The following RGL2 variants were observed in gnomAD, a reference collection of about 807,000 sequenced individuals.
The protein encoded by RGL2 is ral guanine nucleotide dissociation stimulator-like 2.
In RGL2, 40 loss-of-function variants were observed where a neutral mutation model predicts 84.6. The observed-to-expected ratio is 0.47, with a 90% CI of 0.37 to 0.62. The LOEUF is 0.62. RGL2 is among the 20% of genes least tolerant of loss of function. The pLI, the probability that RGL2 is intolerant of heterozygous loss-of-function variation, is 0.00. For synonymous variants in RGL2, 369 were observed against 417.3 expected (o/e 0.88, Z 1.41); for missense variants, 865 against 1,019.7 (o/e 0.85, Z 2.07).
At position 33,293,046 on chromosome 6, in the gene RGL2, C is replaced by A; in HGVS notation, c.1977G>T (p.Gly659=). 1.2e-6 allele frequency: 2 copies of A among 1,614,180 alleles called. No homozygotes were observed. Among genetic ancestry groups the A allele is most frequent in the Non-Finnish European group, 8.5e-7 (1 of 1,180,048 alleles). The change falls in exon 16 of 18, where the codon GGG becomes GGT. Residue 659 remains glycine, a synonymous_variant. Transcript: ENST00000497454. The surrounding 1 kb of genome is among the most constrained non-coding windows in gnomAD (Gnocchi z 7.0). ...TGCTCTTATAGACACTGCCATCTTC[C>A]CCCAACTCCATCTGGACTCGGATGA... ...CRIIRVQMEL[G]EDGSVYKSIL...
chr6:33,297,741 C>G lies in RGL2; in HGVS notation c.157-626G>C, dbSNP rs1294551242. On this transcript the variant is annotated intron_variant, in intron 2 of 17. Coordinates refer to ENST00000497454, the MANE Select transcript of RGL2 (RefSeq NM_004761.5). The surrounding 1 kb of genome is among the most constrained non-coding windows in gnomAD (Gnocchi z 4.0). ...GTAGACTCAGAGAGTCACGTGGCCC[C>G]AGCCCCTCCCCCGACCGATCCCGAA... 6.6e-6 allele frequency: 1 copy of G among 152,466 alleles called. No homozygotes were observed. The highest frequency in any genetic ancestry group is 1.5e-5 in the Non-Finnish European group (1 of 68,272). The allele number at this position is 152,466 out of a possible 1,614,324, so 9.4% of individuals were successfully genotyped here.
chr6:33,292,350 AGTT>A (rs1767484435), intron 17 of RGL2, 37 bp from the exon 18 acceptor site: 1 of 1,610,140 alleles, frequency 6.2e-7, no homozygotes, highest in South Asian at 1.1e-5. Flanking sequence ...GCACACACAC[AGTT>A]GTTCCCCCCA....
At position 33,294,516 on chromosome 6, in the gene RGL2, T is replaced by C. The variant is rs1001539749; in HGVS notation, c.1353+172A>G. On this transcript the variant is annotated intron_variant, in intron 11 of 17. Coordinates refer to ENST00000497454, the MANE Select transcript of RGL2 (RefSeq NM_004761.5). The surrounding 1 kb of genome is among the most constrained non-coding windows in gnomAD (Gnocchi z 5.0). The stretch of plus-strand genomic sequence containing the variant: ...ATAACAGATCAATGTAGATGCTATT[T>C]CTAGTTTCCCATTTACAGATCACTG... 6.6e-6 allele frequency among the ~76,000 whole-genome samples: 1 copy of C among 152,320 alleles called. No homozygotes were observed. The highest frequency in any genetic ancestry group is 6.5e-5 in the Admixed American group (1 of 15,300).
Position 33,294,112 on chromosome 6 carries a change from C to A in RGL2, c.1354-46G>T, listed in dbSNP as rs758153675. 3 of 1,589,470 alleles carry A rather than the reference C, an allele frequency of 1.9e-6. No homozygotes were observed. Among genetic ancestry groups the A allele is most frequent in the Non-Finnish European group, 2.6e-6 (3 of 1,165,794 alleles). On this transcript the variant is annotated intron_variant, in intron 11 of 17. Coordinates refer to ENST00000497454, the MANE Select transcript of RGL2 (RefSeq NM_004761.5). The surrounding 1 kb of genome is among the most constrained non-coding windows in gnomAD (Gnocchi z 5.0). ...GGGTGAAAGTTCCAACCCTACCTTCCGGCCACAGAGAGAGAATATCCCCTC... is the reference window on the plus strand; with the variant it reads ...GGGTGAAAGTTCCAACCCTACCTTCAGGCCACAGAGAGAGAATATCCCCTC...
Position 33,298,429 on chromosome 6 carries a change from C to T in RGL2, c.156+26G>A, listed in dbSNP as rs1167026307. ...GGAGACTTCAGAAATACATACGCCCCCTACCTCCCACCACCCGCGTCTCAC... is the reference window on the plus strand; with the variant it reads ...GGAGACTTCAGAAATACATACGCCCTCTACCTCCCACCACCCGCGTCTCAC... On this transcript the variant is annotated intron_variant, in intron 2 of 17. Coordinates refer to ENST00000497454, the MANE Select transcript of RGL2 (RefSeq NM_004761.5). The surrounding 1 kb of genome is among the most constrained non-coding windows in gnomAD (Gnocchi z 4.8). The T allele has an allele frequency of 2.3e-6, 3 of 1,308,550 alleles. No individual in the cohort carries two copies. The highest frequency in any genetic ancestry group is 2.1e-6 in the Non-Finnish European group (2 of 942,566). 81.1% of individuals were successfully genotyped at this position (1,308,550 alleles called of 1,614,324 possible).
Position 33,295,848 on chromosome 6 carries a change from G to A in RGL2, c.769-89C>T, listed in dbSNP as rs553253143. ...GATCTGAGGATCTCAGGTGGCCAAG[G>A]AACCAGAGGGGCACAGGGTTTGAAG... On this transcript the variant is annotated intron_variant, in intron 6 of 17. Transcript: ENST00000497454. The surrounding 1 kb of genome is among the most constrained non-coding windows in gnomAD (Gnocchi z 7.2). 40 of 1,499,142 alleles carry A rather than the reference G, an allele frequency of 2.7e-5. No individual in the cohort carries two copies. In the South Asian group the frequency reaches 4.3e-4, roughly 16 times the overall value. The allele number at this position is 1,499,142 out of a possible 1,614,324, so 92.9% of individuals were successfully genotyped here. A position where few individuals can be genotyped will look rare whatever the true frequency, so the allele number is the denominator to read the frequency against.
In RGL2 at chr6:33,298,340, G is replaced by T; in HGVS notation, c.156+115C>A. 5 of 612,428 alleles carry T rather than the reference G, an allele frequency of 8.2e-6. No individual in the cohort carries two copies. In the South Asian group the frequency reaches 8.4e-5, roughly 10 times the overall value. The allele number at this position is 612,428 out of a possible 1,614,324, so 37.9% of individuals were successfully genotyped here. On this transcript the variant is annotated intron_variant, in intron 2 of 17. Coordinates refer to ENST00000497454, the MANE Select transcript of RGL2 (RefSeq NM_004761.5). The surrounding 1 kb of genome is among the most constrained non-coding windows in gnomAD (Gnocchi z 4.8). ...AGCAGAGAAACGGGCCGACACCCAG[G>T]GAGGCGCGAGAATAACTGAGGCAAG... is the stretch of plus-strand genomic sequence containing the variant.
rs1768042682 is a variant in RGL2 at position 33,297,044 on chromosome 6, A to G, written c.228T>C (p.Pro76=). The G allele has an allele frequency of 6.3e-7, 1 of 1,580,928 alleles. No homozygotes were observed. The highest frequency in any genetic ancestry group is 8.6e-7 in the Non-Finnish European group (1 of 1,165,366). ...GTCATGATCTCACCAAGGGATCAAG[A>G]GGTCGATATTGGCGGCTTGTGACGG... ...VFTVTSRQYR[P]LDPLVPMPPP... Residue 76 remains proline (P), a synonymous_variant, in exon 3 of 18, where the codon CCT becomes CCC. Coordinates refer to ENST00000497454, the MANE Select transcript of RGL2 (RefSeq NM_004761.5). This position sits in a 1 kb window ranked among gnomAD's most constrained non-coding sequence, Gnocchi z 4.0.
In RGL2 at chr6:33,296,959, C is replaced by T; in HGVS notation, c.240+73G>A. The T allele has an allele frequency of 6.4e-7, 1 of 1,558,766 alleles. No homozygotes were observed. Among genetic ancestry groups the T allele is most frequent in the African/African-American group, 1.4e-5 (1 of 73,662 alleles). On this transcript the variant is annotated intron_variant, in intron 3 of 17. Transcript: ENST00000497454. The surrounding 1 kb of genome is among the most constrained non-coding windows in gnomAD (Gnocchi z 5.0). ...CCAGAACTCCAACCTAGCACTCTGG[C>T]CAGAAAGTCAGCCAGAGGAAGGAAA... is the stretch of plus-strand genomic sequence containing the variant.
At position 33,293,930 on chromosome 6, in the gene RGL2, C is replaced by T. The variant is rs938976776; in HGVS notation, c.1387-14G>A. The T allele has an allele frequency of 2.5e-6, 4 of 1,613,954 alleles. No homozygotes were observed. Among genetic ancestry groups the T allele is most frequent in the Non-Finnish European group, 3.4e-6 (4 of 1,180,032 alleles). ...GACTGCAAACTCCTGGGAAGGAGCC[C>T]TCAAACTGCAGGAGCCAAAACTCAG... On this transcript the variant is annotated splice_polypyrimidine_tract_variant and intron_variant, in intron 12 of 17. Transcript: ENST00000497454. The surrounding 1 kb of genome is among the most constrained non-coding windows in gnomAD (Gnocchi z 7.0).
At chr6:33,292,966 T>C (rs754414770) in intron 16 of RGL2, 50 bp downstream of exon 16, 1 of 1,609,178 alleles carries the variant, frequency 6.2e-7, no homozygotes, top group East Asian at 2.2e-5. Flanking sequence ...ACATTTATAG[T>C]CCAACAAGAC....
rs957340722 is a variant in RGL2 at position 33,296,673 on chromosome 6, C to T, written c.344G>A (p.Ser115Asn). ...LDTRTSGTDV[S>N]FMSAFLATHR... ...GGTAGCCAGGAAGGCTGACATGAAG[C>T]TCACATCAGTCCCTGATGTCCGGGT... The change falls in exon 4 of 18, where the codon AGC (serine) becomes AAC (asparagine). Residue 115 changes from serine to asparagine, a missense_variant. By Grantham distance (46) the Ser-to-Asn change is conservative. Transcript: ENST00000497454. The surrounding 1 kb of genome is among the most constrained non-coding windows in gnomAD (Gnocchi z 5.0). The T allele has an allele frequency of 1.9e-6, 3 of 1,613,846 alleles. No individual in the cohort carries two copies. Among genetic ancestry groups the T allele is most frequent in the Admixed American group, 3.3e-5 (2 of 60,004 alleles).
In RGL2 at chr6:33,296,193, C is replaced by T. The variant is rs551077117; in HGVS notation, c.603G>A (p.Gly201=). Residue 201 remains glycine (G), a synonymous_variant, in exon 6 of 18, where the codon GGG becomes GGA. Transcript: ENST00000497454. This position sits in a 1 kb window ranked among gnomAD's most constrained non-coding sequence, Gnocchi z 5.0. ...QTGYAAGKGV[G]GGSADLIRNL... is the part of the protein sequence containing the mutation. ...TGCGGATGAGGTCAGCGCTGCCCCC[C>T]CCAACACCCTTCCCTGCTGCATACC... The T allele has an allele frequency of 6.2e-6, 10 of 1,613,854 alleles. No homozygotes were observed. The highest frequency in any genetic ancestry group is 5.5e-5 in the South Asian group (5 of 91,090).
chr6:33,296,367 A>T lies in RGL2; in HGVS notation c.471-42T>A, dbSNP rs1404098847. On this transcript the variant is annotated intron_variant, in intron 5 of 17. Transcript: ENST00000497454. The surrounding 1 kb of genome is among the most constrained non-coding windows in gnomAD (Gnocchi z 5.0). ...AGCCAAGGGTGAGAGGTAAAGCTGC[A>T]GCCTGGGCAGAGGGGACTGTGAGAT... 1.2e-6 allele frequency: 2 copies of T among 1,605,370 alleles called. No individual in the cohort carries two copies. Among genetic ancestry groups the T allele is most frequent in the African/African-American group, 2.7e-5 (2 of 74,804 alleles).
At position 33,294,660 on chromosome 6, in the gene RGL2, T is replaced by C; in HGVS notation, c.1353+28A>G. On this transcript the variant is annotated intron_variant, in intron 11 of 17. Coordinates refer to ENST00000497454, the MANE Select transcript of RGL2 (RefSeq NM_004761.5). The surrounding 1 kb of genome is among the most constrained non-coding windows in gnomAD (Gnocchi z 5.0). ...CCCTGCAGCCCACTTGTTACATCAT[T>C]GCAATGACACACACACACACCACTG... 1 of 1,612,692 alleles carries C rather than the reference T, an allele frequency of 6.2e-7. No individual in the cohort carries two copies. The highest frequency in any genetic ancestry group is 1.1e-5 in the South Asian group (1 of 90,914).
chr6:33,296,717 C>T lies in RGL2; in HGVS notation c.300G>A (p.Leu100=), dbSNP rs766934678. 2.0e-5 allele frequency: 32 copies of T among 1,613,998 alleles called. No homozygotes were observed. Among genetic ancestry groups the T allele is most frequent in the Non-Finnish European group, 2.7e-5 (32 of 1,180,012 alleles). ...RRLRAGTLEA[L]VRHLLDTRTS... is the part of the protein sequence containing the mutation. Reference sequence around the variant, plus strand: ...TCCGGGTATCCAGTAGGTGTCTGACCAGGGCCTCCAGAGTGCCAGCTCGGA... The same window carrying T: ...TCCGGGTATCCAGTAGGTGTCTGACTAGGGCCTCCAGAGTGCCAGCTCGGA... The change falls in exon 4 of 18, where the codon CTG becomes CTA. Residue 100 remains leucine, a synonymous_variant. Transcript: ENST00000497454. This position sits in a 1 kb window ranked among gnomAD's most constrained non-coding sequence, Gnocchi z 5.0.
At position 33,296,005 on chromosome 6, in the gene RGL2, G is replaced by A. The variant is rs1191651985; in HGVS notation, c.768+23C>T. On this transcript the variant is annotated intron_variant, in intron 6 of 17. Coordinates refer to ENST00000497454, the MANE Select transcript of RGL2 (RefSeq NM_004761.5). This position sits in a 1 kb window ranked among gnomAD's most constrained non-coding sequence, Gnocchi z 5.0. ...GGTTAGTAAGGGGTCAGGGGGCATA[G>A]GGGCCAGAGGTCAGGGTCTCACCGC... The A allele has an allele frequency of 6.2e-7, 1 of 1,613,380 alleles. No individual in the cohort carries two copies. The highest frequency in any genetic ancestry group is 2.2e-5 in the East Asian group (1 of 44,874).
Position 33,293,155 on chromosome 6 carries a change from G to A in RGL2, c.1868C>T (p.Pro623Leu), listed in dbSNP as rs771309243. 17 of 1,609,768 alleles carry A rather than the reference G, an allele frequency of 1.1e-5. No homozygotes were observed. The highest frequency in any genetic ancestry group is 2.2e-5 in the East Asian group (1 of 44,876). Residue 623 changes from proline (P) to leucine (L), a missense_variant, in exon 16 of 18, where the codon CCG (proline) becomes CTG (leucine). Pro to Leu is a moderately conservative substitution (Grantham distance 98). This residue lies in a region of RGL2 where 302 missense variants were observed against 327.9 expected (regional missense o/e 0.92). Transcript: ENST00000497454. The surrounding 1 kb of genome is among the most constrained non-coding windows in gnomAD (Gnocchi z 7.0). ...GGCCTCTTCTGCACCCCCACTCAGC[G>A]GGGAGCCACAGGAGGCTGAGCGGCG... ...GHRRSASCGS[P>L]LSGGAEEASG...
In RGL2 at chr6:33,292,264, A is replaced by C. The variant is rs765324252; in HGVS notation, c.2172T>G (p.Ala724=). Residue 724 remains alanine, a synonymous_variant, in exon 18 of 18, where the codon GCT becomes GCG. Transcript: ENST00000497454. The part of the protein sequence containing the change: ...SANVFYAMDG[A]SHDFLLRQRR... ...GCTGCCGCAGGAGGAAATCGTGTGA[A>C]GCTCCATCCATGGCGTAGAATACAT... 6.2e-7 allele frequency: 1 copy of C among 1,614,216 alleles called. No individual in the cohort carries two copies. Among genetic ancestry groups the C allele is most frequent in the South Asian group, 1.1e-5 (1 of 91,088 alleles).
Sources: gnomAD v4.1 joint callset for allele counts (sites outside exome capture counted in the v4.1 genomes callset) on GRCh38, gnomAD v4.1.1 for gene constraint, gnomAD v4.1.1 regional missense constraint, Gnocchi (gnomAD v3.1) non-coding constraint, MANE v1.5 for transcripts, NCBI Gene and HGNC (gene_info 2026-07-23, HGNC 2026-07-21) for gene names.